The following DKK2 variants were observed in gnomAD, a reference collection of about 807,000 sequenced individuals.
DKK2 encodes dickkopf-related protein 2.
Under a neutral mutation model 28.1 loss-of-function variants are expected in DKK2, and 11 were observed. The ratio of observed to expected loss-of-function variants is 0.39; its 90% CI spans 0.25 to 0.65. DKK2 has a LOEUF of 0.65. DKK2 is among the 30% of genes least tolerant of loss of function. The pLI is 0.47. For missense variants in DKK2, 326 were observed against 335.5 expected, an observed-to-expected ratio of 0.97 and a Z score of 0.22; for synonymous variants, 135 against 126.5, an observed-to-expected ratio of 1.07 and a Z score of -0.45.
At chr4:106,957,885 C>G in intron 1 of DKK2, among the ~76,000 whole-genome samples, 1 of 148,888 alleles carries the variant, frequency 6.7e-6, no homozygotes, top group Non-Finnish European at 1.5e-5. Flanking sequence ...CACATGTACC[C>G]TAAAACTTAA....
At chr4:107,001,864 C>A (rs1282969714) in intron 1 of DKK2, among the ~76,000 whole-genome samples, 1 of 152,152 alleles carries the variant, frequency 6.6e-6, no homozygotes, top group African/African-American at 2.4e-5. Flanking sequence ...TAATTAAGAA[C>A]AATAAACATG....
intron 1 of DKK2, among the ~76,000 whole-genome samples, chr4:106,957,131 A>G (rs1214394960): frequency 6.6e-6 from 1 of 152,218 alleles, no homozygotes; most frequent in Non-Finnish European, 1.5e-5. Flanking sequence ...ACATTCATGC[A>G]GCCAAAAGAC....
chr4:107,005,518 C>T lies in DKK2; in HGVS notation c.222+29852G>A, dbSNP rs1723426068. On this transcript the variant is annotated intron_variant, in intron 1 of 3. Transcript: ENST00000285311. ...GCTTCTTCCTTCTTGATGCCTTTAA[C>T]ACAGTCCTCCCCAAATAAATGTGGA... Among the ~76,000 whole-genome samples, 2 of 152,014 alleles carry T rather than the reference C, an allele frequency of 1.3e-5. 1 individual carries two copies. Among genetic ancestry groups the T allele is most frequent in the South Asian group, 4.1e-4 (2 of 4,824 alleles).
chr4:106,945,032 A>G (rs535192438), intron 1 of DKK2, among the ~76,000 whole-genome samples: 1 of 152,256 alleles, frequency 6.6e-6, no homozygotes, highest in Admixed American at 6.6e-5. Flanking sequence ...GTCTGAGGAC[A>G]GACAGATCAA....
At chr4:106,959,055 T>C (rs1247787719) in intron 1 of DKK2, among the ~76,000 whole-genome samples, 1 of 150,196 alleles carries the variant, frequency 6.7e-6, no homozygotes, top group Non-Finnish European at 1.5e-5. Context: ...ATTAAATACA[T>C]ATGTGTAAAT....
chr4:106,969,580 C>A (rs2110353663), intron 1 of DKK2, among the ~76,000 whole-genome samples: 1 of 152,094 alleles, frequency 6.6e-6, no homozygotes, highest in African/African-American at 2.4e-5. Context: ...TTTCCCCTGA[C>A]ATATTTTCAC....
intron 1 of DKK2, among the ~76,000 whole-genome samples, chr4:106,939,713 A>G (rs1279593736): frequency 1.3e-5 from 2 of 152,210 alleles, no homozygotes; most frequent in African/African-American, 4.8e-5. Context: ...AAACTATACT[A>G]CAAGGCTACA....
chr4:106,950,599 C>G (rs1040081494), intron 1 of DKK2, among the ~76,000 whole-genome samples: 2 of 152,044 alleles, frequency 1.3e-5, no homozygotes, highest in Non-Finnish European at 2.9e-5. Context: ...TTGGCTTACC[C>G]TGCTCCAGCC....
chr4:106,984,106 C>G lies in DKK2; in HGVS notation c.222+51264G>C, dbSNP rs114024824. Among the ~76,000 whole-genome samples the G allele has an allele frequency of 1.5e-3, 232 of 152,312 alleles. 1 individual carries two copies. Among genetic ancestry groups the G allele is most frequent in the African/African-American group, 5.2e-3 (215 of 41,560 alleles). ...ACAACCCAGTATTTATACTCCTGGG[C>G]TTTTATCCCAGAGAAATGAAGACTC... On this transcript the variant is annotated intron_variant, in intron 1 of 3. Transcript: ENST00000285311.
chr4:106,956,052 C>G (rs551867985), intron 1 of DKK2, among the ~76,000 whole-genome samples: 1 of 152,134 alleles, frequency 6.6e-6, no homozygotes, highest in African/African-American at 2.4e-5. Context: ...CCACCCAAAA[C>G]AGTTTCTGGT....
chr4:107,015,131 C>G (rs1033553317), intron 1 of DKK2, among the ~76,000 whole-genome samples: 1 of 151,318 alleles, frequency 6.6e-6, no homozygotes, highest in Non-Finnish European at 1.5e-5. Context: ...TATGAATATC[C>G]AGAATTATAA....
At chr4:107,009,367 G>A (rs1723483467) in intron 1 of DKK2, among the ~76,000 whole-genome samples, 1 of 151,914 alleles carries the variant, frequency 6.6e-6, no homozygotes, top group African/African-American at 2.4e-5. Flanking sequence ...AGCTAATCTG[G>A]ACTGGCAGCA....
intron 1 of DKK2, among the ~76,000 whole-genome samples, chr4:107,021,499 G>A (rs2110373569): frequency 6.6e-6 from 1 of 152,068 alleles, no homozygotes; most frequent in East Asian, 1.9e-4. Flanking sequence ...TTTATCAAAT[G>A]TCTTAGTTTG....
At chr4:106,953,861 G>A (rs1039147373) in intron 1 of DKK2, among the ~76,000 whole-genome samples, 4 of 152,008 alleles carry the variant, frequency 2.6e-5, no homozygotes, top group Non-Finnish European at 4.4e-5. Context: ...TATAATTCTC[G>A]TCAACTTATC....
chr4:107,034,858 T>G (rs1022256300), intron 1 of DKK2, among the ~76,000 whole-genome samples: 1 of 152,186 alleles, frequency 6.6e-6, no homozygotes, highest in Non-Finnish European at 1.5e-5. Flanking sequence ...TCTCTGCCAC[T>G]TATACTAGCT....
intron 1 of DKK2, among the ~76,000 whole-genome samples, chr4:106,935,472 CAG>C (rs1262785694): frequency 6.6e-6 from 1 of 152,218 alleles, no homozygotes; most frequent in Non-Finnish European, 1.5e-5. Flanking sequence ...CCTACACCCA[CAG>C]AGTCTCACTG....
At chr4:107,017,461 G>C (rs1332116206) in intron 1 of DKK2, among the ~76,000 whole-genome samples, 1 of 151,992 alleles carries the variant, frequency 6.6e-6, no homozygotes, top group Admixed American at 6.6e-5. Context: ...ATTAGAGAGA[G>C]AGAATCAGAG....
At chr4:106,959,882 C>T (rs941260565) in intron 1 of DKK2, among the ~76,000 whole-genome samples, 2 of 151,660 alleles carry the variant, frequency 1.3e-5, no homozygotes, top group Middle Eastern at 3.2e-3. Context: ...AGAGTTTGTT[C>T]AAGATATCAA....
rs1215049325 is a variant in DKK2, at chr4:107,006,927, A to T, written c.222+28443T>A. On this transcript the variant is annotated intron_variant, in intron 1 of 3. Transcript: ENST00000285311. Reference sequence around the variant, plus strand: ...GTTTTGGAGGAGGATGGTGAAAGAAAATAAGTATTGTTAACACAACAAACA... The same window carrying T: ...GTTTTGGAGGAGGATGGTGAAAGAATATAAGTATTGTTAACACAACAAACA... Among the ~76,000 whole-genome samples, 3 of 152,236 alleles carry T rather than the reference A, an allele frequency of 2.0e-5. No individual in the cohort carries two copies. The East Asian group carries it at 5.8e-4, about 29-fold the overall frequency.
Sources: allele counts gnomAD v4.1 joint callset (sites outside exome capture counted in the v4.1 genomes callset), GRCh38; gene constraint gnomAD v4.1.1; transcripts MANE v1.5; gene names NCBI Gene and HGNC (gene_info 2026-07-23, HGNC 2026-07-21).